PSME4: variants seen among roughly 807,000 people sequenced by gnomAD.
The protein encoded by PSME4 is proteasome activator subunit 4, also known as proteasome activator complex subunit 4.
Under a neutral mutation model 253.9 loss-of-function variants are expected in PSME4, and 89 were observed. That is an observed-to-expected ratio of 0.35 (90% confidence interval 0.30 to 0.42). The LOEUF (loss-of-function observed/expected upper bound fraction) is 0.42. Ranked by LOEUF, PSME4 falls within the 10% of genes least tolerant of loss-of-function variation. The pLI, the probability that PSME4 is intolerant of heterozygous loss-of-function variation, is 1.00. For missense variants in PSME4, 2,014 were observed against 2,195.2 expected (o/e 0.92, Z 1.65); for synonymous variants, 851 against 759.2 (o/e 1.12, Z -1.99).
At chr2:53,948,210 G>T (rs1669814720) in intron 3 of PSME4, among the ~76,000 whole-genome samples, 1 of 152,144 alleles carries the variant, frequency 6.6e-6, no homozygotes, top group Non-Finnish European at 1.5e-5. Context: ...CAGGATGTAG[G>T]TGCAAGAAGT....
intron 20 of PSME4, among the ~76,000 whole-genome samples, chr2:53,911,955 T>G (rs1667845956): frequency 6.6e-6 from 1 of 152,224 alleles, no homozygotes; most frequent in Non-Finnish European, 1.5e-5. Context: ...AATTGTTTTC[T>G]TATCAGGGAA....
chr2:53,869,267 A>G (rs1357966227), intron 44 of PSME4, 109 bp downstream of exon 44: 17 of 1,119,124 alleles, frequency 1.5e-5, no homozygotes, highest in Admixed American at 2.3e-5. Flanking sequence ...CCCAATACCT[A>G]GCATAGACCT....
intron 34 of PSME4, among the ~76,000 whole-genome samples, chr2:53,894,730 C>G (rs541857225): frequency 1.8e-4 from 28 of 151,674 alleles, no homozygotes; most frequent in Admixed American, 1.6e-3. Flanking sequence ...AGAACTGATA[C>G]AAGAAATGAG....
Position 53,887,456 on chromosome 2 carries a change from T to C in PSME4, c.4532A>G (p.Tyr1511Cys), listed in dbSNP as rs1176255475. The change falls in exon 40 of 47, where the codon TAC becomes TGC. Residue 1511 changes from tyrosine to cysteine, a missense_variant. Coordinates refer to ENST00000404125, the MANE Select transcript of PSME4 (RefSeq NM_014614.3). ...CAAAGATACATCTATCATGAATATG[T>C]AGGTCAGCACACTGCAAAATAAAAT... is the stretch of plus-strand genomic sequence containing the variant. Reference protein sequence around the residue: ...VRERIGSVLTYIFMIDVSLPN... With the variant: ...VRERIGSVLTCIFMIDVSLPN... 2.5e-6 allele frequency: 4 copies of C among 1,612,286 alleles called. No individual in the cohort carries two copies. In the East Asian group the frequency reaches 6.7e-5, roughly 27 times the overall value.
intron 31 of PSME4, 142 bp from the exon 32 acceptor site, chr2:53,897,027 A>G (rs1247953334): frequency 4.6e-6 from 3 of 654,712 alleles, no homozygotes; most frequent in Non-Finnish European, 8.1e-6. Flanking sequence ...CATCCATGTG[A>G]GTGCTAAATC....
chr2:53,946,516 G>C (rs1194863241), intron 3 of PSME4, among the ~76,000 whole-genome samples: 1 of 152,174 alleles, frequency 6.6e-6, no homozygotes, highest in African/African-American at 2.4e-5. Context: ...AGTCAAACCA[G>C]TATAGGTCAT....
chr2:53,961,317 A>T (rs1302238960), intron 1 of PSME4, among the ~76,000 whole-genome samples: 1 of 152,046 alleles, frequency 6.6e-6, no homozygotes, highest in Non-Finnish European at 1.5e-5. Flanking sequence ...TGAGATTTTG[A>T]TCTAATTTTC....
chr2:53,909,426 C>T (rs1367508732), intron 21 of PSME4, among the ~76,000 whole-genome samples: 4 of 151,890 alleles, frequency 2.6e-5, no homozygotes, highest in African/African-American at 7.3e-5. Context: ...TTACAATATT[C>T]GTATTTACAC....
intron 10 of PSME4, among the ~76,000 whole-genome samples, chr2:53,929,293 C>G (rs1434498378): frequency 3.9e-5 from 6 of 152,152 alleles, no homozygotes; most frequent in Admixed American, 2.0e-4. Flanking sequence ...TTTCTTTCCC[C>G]TGACCACCCC....
At chr2:53,895,281 T>C (rs1201209612) in intron 33 of PSME4, among the ~76,000 whole-genome samples, 1 of 151,958 alleles carries the variant, frequency 6.6e-6, no homozygotes, top group Non-Finnish European at 1.5e-5. Flanking sequence ...GAGAGAAAAA[T>C]ATGTATTTCT....
intron 4 of PSME4, among the ~76,000 whole-genome samples, chr2:53,937,844 G>T (rs1490970786): frequency 6.6e-6 from 1 of 152,054 alleles, no homozygotes; most frequent in Non-Finnish European, 1.5e-5. Flanking sequence ...CAAAAAATTT[G>T]CCAGACATGA....
chr2:53,930,443 C>A (rs1172995619), intron 10 of PSME4, among the ~76,000 whole-genome samples: 1 of 152,206 alleles, frequency 6.6e-6, no homozygotes, highest in Non-Finnish European at 1.5e-5. Flanking sequence ...TTCTGCTACT[C>A]TGTGGAGGCC....
intron 36 of PSME4, among the ~76,000 whole-genome samples, chr2:53,891,671 C>T (rs974345147): frequency 1.3e-5 from 2 of 151,828 alleles, no homozygotes; most frequent in Admixed American, 6.6e-5. Context: ...ACCAGCCTGG[C>T]CACATGGAGA....
chr2:53,898,143 A>G (rs1680226883), intron 30 of PSME4, 144 bp from the exon 31 acceptor site: 1 of 1,179,722 alleles, frequency 8.5e-7, no homozygotes, highest in Non-Finnish European at 1.2e-6. Context: ...CATTAATCCC[A>G]AACTTTCCCT....
At chr2:53,872,323 C>A (rs759877638) in intron 43 of PSME4, among the ~76,000 whole-genome samples, 2 of 152,078 alleles carry the variant, frequency 1.3e-5, no homozygotes, top group Non-Finnish European at 2.9e-5. Flanking sequence ...TTAAACAGTT[C>A]TCATTTAGAT....
chr2:53,896,937 C>T lies in PSME4; in HGVS notation c.3607-52G>A, dbSNP rs960592292. The T allele has an allele frequency of 4.6e-6, 6 of 1,315,606 alleles. No individual in the cohort carries two copies. In the African/African-American group the frequency reaches 8.7e-5, roughly 19 times the overall value. The allele number at this position is 1,315,606 out of a possible 1,614,324, so 81.5% of individuals were successfully genotyped here. On this transcript the variant is annotated intron_variant, in intron 31 of 46. Transcript: ENST00000404125. ...ATAAAAAAAAGTTTAAATCACTTAACTGGTTGTCTGCTTTACTCAAAGCAG... is the reference window on the plus strand; with the variant it reads ...ATAAAAAAAAGTTTAAATCACTTAATTGGTTGTCTGCTTTACTCAAAGCAG...
rs1176651570 is a variant in PSME4 at position 53,865,300 on chromosome 2, C to T, written c.*278G>A. ...TCTGGTCTTGGATGCCATGATCATA[C>T]TGGGTAATTATTTCTAGTCTGAGAC... is the stretch of plus-strand genomic sequence containing the variant. On this transcript the variant is annotated 3_prime_UTR_variant, in exon 47 of 47. Transcript: ENST00000404125. 1 of 152,424 alleles carries T rather than the reference C, an allele frequency of 6.6e-6. No individual in the cohort carries two copies. The highest frequency in any genetic ancestry group is 1.5e-5 in the Non-Finnish European group (1 of 68,028). 9.4% of individuals were successfully genotyped at this position (152,424 alleles called of 1,614,324 possible).
intron 20 of PSME4, among the ~76,000 whole-genome samples, chr2:53,914,327 T>C (rs796158158): frequency 3.3e-5 from 5 of 152,292 alleles, no homozygotes; most frequent in African/African-American, 1.2e-4. Flanking sequence ...TGGAAAGACA[T>C]AATCCAACTT....
intron 43 of PSME4, among the ~76,000 whole-genome samples, chr2:53,872,758 A>G (rs1678941613): frequency 6.7e-6 from 1 of 149,500 alleles, no homozygotes; most frequent in African/African-American, 2.4e-5. Context: ...AAAAAAAAAA[A>G]AAAAAAAAAA....
Sources: allele counts gnomAD v4.1 joint callset (sites outside exome capture counted in the v4.1 genomes callset), GRCh38; gene constraint gnomAD v4.1.1; transcripts MANE v1.5; gene names NCBI Gene and HGNC (gene_info 2026-07-23, HGNC 2026-07-21).